Variants in TRPC5OS observed in about 807,000 individuals in gnomAD.
TRPC5OS encodes TRPC5 opposite strand.
For synonymous variants in TRPC5OS, 30 were observed against 29.3 expected, an observed-to-expected ratio of 1.02 and a Z score of -0.08; for missense variants, 64 against 79.3, an observed-to-expected ratio of 0.81 and a Z score of 0.73.
intron 3 of TRPC5OS, among the ~76,000 whole-genome samples, chrX:111,900,645 T>G (rs1480341096): frequency 9.0e-6 from 1 of 111,415 alleles, no homozygotes; most frequent in African/African-American, 3.3e-5. Context: ...CAGCTCCCTT[T>G]TCAGTTCAAT....
intron 1 of TRPC5OS, among the ~76,000 whole-genome samples, chrX:111,891,222 G>T (rs765574613): frequency 8.9e-6 from 1 of 111,972 alleles, no homozygotes. Context: ...ATTCCTTTGG[G>T]TATATACCTA....
intron 1 of TRPC5OS, among the ~76,000 whole-genome samples, chrX:111,893,995 A>G (rs761991402): frequency 9.0e-6 from 1 of 111,727 alleles, no homozygotes; most frequent in Admixed American, 9.5e-5. Flanking sequence ...ACGAGAAGTT[A>G]TATGTCTGTA....
At chrX:111,888,091 G>T (rs1387917228) in intron 1 of TRPC5OS, among the ~76,000 whole-genome samples, 2 of 111,327 alleles carry the variant, frequency 1.8e-5, no homozygotes, top group Non-Finnish European at 3.8e-5. Context: ...GAGGGATTTA[G>T]CTCTTTTGAT....
intron 1 of TRPC5OS, among the ~76,000 whole-genome samples, chrX:111,895,017 G>T (rs779710533): frequency 6.3e-5 from 7 of 111,332 alleles, no homozygotes; most frequent in Middle Eastern, 4.7e-3. Context: ...CCTGTATCTT[G>T]GTGGATATTT....
intron 1 of TRPC5OS, among the ~76,000 whole-genome samples, chrX:111,884,078 G>C (rs946623334): frequency 8.9e-6 from 1 of 112,425 alleles, no homozygotes; most frequent in African/African-American, 3.2e-5. Flanking sequence ...CCTAGGTAAG[G>C]CTTAAGTCTA....
intron 3 of TRPC5OS, among the ~76,000 whole-genome samples, chrX:111,900,617 G>A (rs1925295084): frequency 9.0e-6 from 1 of 111,324 alleles, no homozygotes; most frequent in Non-Finnish European, 1.9e-5. Flanking sequence ...GAAGCTTCGG[G>A]GACTTTAAGT....
At chrX:111,900,949 G>A (rs990192564) in intron 3 of TRPC5OS, among the ~76,000 whole-genome samples, 1 of 111,164 alleles carries the variant, frequency 9.0e-6, no homozygotes, top group Non-Finnish European at 1.9e-5. Flanking sequence ...AAGTGGGTTT[G>A]CAAAGCCCAC....
At chrX:111,893,402 G>A (rs1258581204) in intron 1 of TRPC5OS, among the ~76,000 whole-genome samples, 1 of 111,750 alleles carries the variant, frequency 8.9e-6, no homozygotes, top group African/African-American at 3.3e-5. Context: ...CCTGTGTAGG[G>A]TCCTACCAGG....
In TRPC5OS at chrX:111,889,290, G is replaced by T. The variant is rs780334774; in HGVS notation, c.-545-6661G>T. Among the ~76,000 whole-genome samples the T allele has an allele frequency of 2.2e-4, 24 of 111,590 alleles. No homozygotes were observed. In the South Asian group the frequency reaches 5.7e-3, roughly 27 times the overall value. On this transcript the variant is annotated intron_variant, in intron 1 of 3. Transcript: ENST00000635763. ...CAGAAGTCATTGGTGACTTTAGCAA[G>T]GGTAGTAAGGTGGAGTGGCCATAAT...
intron 1 of TRPC5OS, among the ~76,000 whole-genome samples, chrX:111,886,980 C>G (rs1924536101): frequency 8.9e-6 from 1 of 112,754 alleles, no homozygotes; most frequent in African/African-American, 3.2e-5. Flanking sequence ...CTTCCCCTGC[C>G]AAGTAAATAC....
At chrX:111,890,832 T>C (rs957315715) in intron 1 of TRPC5OS, among the ~76,000 whole-genome samples, 1 of 112,065 alleles carries the variant, frequency 8.9e-6, no homozygotes, top group Non-Finnish European at 1.9e-5. Context: ...TTAAGCCTAG[T>C]ACCCATTAGT....
intron 1 of TRPC5OS, among the ~76,000 whole-genome samples, chrX:111,883,977 G>A (rs1924353673): frequency 8.9e-6 from 1 of 112,679 alleles, no homozygotes; most frequent in Non-Finnish European, 1.9e-5. Flanking sequence ...GCCCAGTTAT[G>A]GCCTAGCCAT....
In TRPC5OS at chrX:111,879,431, G is replaced by A. The variant is rs1924102001; in HGVS notation, c.-546+3158G>A. On this transcript the variant is annotated intron_variant, in intron 1 of 3. Transcript: ENST00000635763. The stretch of plus-strand genomic sequence containing the variant: ...GTGGGTTAAGCTGAACTAGGAGTGA[G>A]AATAAGTAAAATCCCTGATCTCTCA... Among the ~76,000 whole-genome samples, 4 of 112,099 alleles carry A rather than the reference G, an allele frequency of 3.6e-5. No homozygotes were observed. In the South Asian group the frequency reaches 1.5e-3, roughly 42 times the overall value.
chrX:111,878,174 C>G (rs1376114129), intron 1 of TRPC5OS, among the ~76,000 whole-genome samples: 2 of 110,530 alleles, frequency 1.8e-5, no homozygotes, highest in Non-Finnish European at 3.8e-5. Context: ...CTGTTCTCCC[C>G]CTTCTATAAT....
chrX:111,894,958 T>C (rs1924992522), intron 1 of TRPC5OS, among the ~76,000 whole-genome samples: 1 of 110,879 alleles, frequency 9.0e-6, no homozygotes, highest in Non-Finnish European at 1.9e-5. Flanking sequence ...GTAAATGTAG[T>C]GATATGGTAG....
chrX:111,881,282 T>C (rs368052212), intron 1 of TRPC5OS, among the ~76,000 whole-genome samples: 4 of 110,472 alleles, frequency 3.6e-5, no homozygotes, highest in African/African-American at 1.3e-4. Context: ...GTTCAAGTGA[T>C]TCTCCTGCCT....
At chrX:111,893,083 T>G (rs114235030) in intron 1 of TRPC5OS, among the ~76,000 whole-genome samples, 1,992 of 108,841 alleles carry the variant, frequency 0.018, 55 homozygotes, top group African/African-American at 0.062. Flanking sequence ...TATAGGGTTT[T>G]TTTTTTTTTT....
intron 1 of TRPC5OS, among the ~76,000 whole-genome samples, chrX:111,884,472 G>A (rs1442707819): frequency 1.8e-5 from 2 of 112,902 alleles, no homozygotes; most frequent in Non-Finnish European, 3.7e-5. Context: ...TTAAAGTGTA[G>A]CAATGGCCTG....
At chrX:111,891,250 T>C (rs1328620415) in intron 1 of TRPC5OS, among the ~76,000 whole-genome samples, 1 of 112,036 alleles carries the variant, frequency 8.9e-6, no homozygotes, top group Non-Finnish European at 1.9e-5. Flanking sequence ...GATGCCTGGG[T>C]CAAATGGTAT....
Sources: gnomAD v4.1 joint callset for allele counts (sites outside exome capture counted in the v4.1 genomes callset) on GRCh38, gnomAD v4.1.1 for gene constraint, MANE v1.5 for transcripts, NCBI Gene and HGNC (gene_info 2026-07-23, HGNC 2026-07-21) for gene names.